Variants in EPHA3 observed in about 807,000 individuals in gnomAD.
EPHA3 encodes the protein EPH receptor A3, also known as ephrin type-A receptor 3.
In EPHA3, 42 loss-of-function variants were observed where a neutral mutation model predicts 107.1. That is an observed-to-expected ratio of 0.39 (90% CI 0.31 to 0.51). EPHA3 has a LOEUF of 0.51. EPHA3 is among the 20% of genes least tolerant of loss of function. The pLI is 0.78. For synonymous variants in EPHA3, 461 were observed against 424.8 expected (o/e 1.09, Z -1.05); for missense variants, 1,183 against 1,211.2 (o/e 0.98, Z 0.35).
intron 6 of EPHA3, 90 bp downstream of exon 6, chr3:89,396,051 C>G: frequency 6.5e-7 from 1 of 1,534,408 alleles, no homozygotes; most frequent in Non-Finnish European, 8.9e-7. Flanking sequence ...AGTGACATTC[C>G]TGGTAAATGG....
In EPHA3 at chr3:89,161,599, C is replaced by A. The variant is rs1704943707; in HGVS notation, c.153+34326C>A. ...ATTAGTTTTTTTACTGACGGGCAGT[C>A]ATTCATTTTATATATACATATAAAA... is the stretch of plus-strand genomic sequence containing the variant. On this transcript the variant is annotated intron_variant, in intron 2 of 16. Coordinates refer to ENST00000336596, the MANE Select transcript of EPHA3 (RefSeq NM_005233.6). Among the ~76,000 whole-genome samples the A allele has an allele frequency of 2.0e-5, 3 of 152,140 alleles. No individual in the cohort carries two copies. In the East Asian group the frequency reaches 5.8e-4, roughly 29 times the overall value.
intron 7 of EPHA3, chr3:89,400,308 A>G (rs1161908258): frequency 4.3e-5 from 7 of 161,726 alleles, no homozygotes; most frequent in Non-Finnish European, 9.0e-5. Flanking sequence ...GCTTCACGCC[A>G]TTCTCCCCCT....
chr3:89,474,566 G>A (rs988701835), intron 16 of EPHA3, among the ~76,000 whole-genome samples: 1 of 152,112 alleles, frequency 6.6e-6, no homozygotes, highest in Non-Finnish European at 1.5e-5. Flanking sequence ...ATTTTCAAAG[G>A]CAAAGTTATG....
At position 89,175,772 on chromosome 3, in the gene EPHA3, G is replaced by A. The variant is rs1205758281; in HGVS notation, c.154-34088G>A. Among the ~76,000 whole-genome samples the A allele has an allele frequency of 2.0e-5, 3 of 152,180 alleles. No individual in the cohort carries two copies. In the East Asian group the frequency reaches 5.8e-4, roughly 29 times the overall value. The stretch of plus-strand genomic sequence containing the variant: ...ATTTTCCTTTTGGTTTCTGAACCAT[G>A]CCTGCGATTCTATTCTGGTTCTCTT... On this transcript the variant is annotated intron_variant, in intron 2 of 16. Coordinates refer to ENST00000336596, the MANE Select transcript of EPHA3 (RefSeq NM_005233.6).
intron 13 of EPHA3, among the ~76,000 whole-genome samples, chr3:89,437,846 A>G (rs1448419272): frequency 6.6e-6 from 1 of 152,196 alleles, no homozygotes; most frequent in Non-Finnish European, 1.5e-5. Context: ...TTTTGGGAGC[A>G]TAATTACCAC....
intron 5 of EPHA3, among the ~76,000 whole-genome samples, chr3:89,377,977 G>T (rs1023575431): frequency 6.6e-5 from 10 of 151,882 alleles, no homozygotes; most frequent in African/African-American, 2.4e-4. Flanking sequence ...TTTACTCCAG[G>T]TTATTCTTTT....
At chr3:89,222,165 C>T (rs1357085637) in intron 3 of EPHA3, among the ~76,000 whole-genome samples, 5 of 151,872 alleles carry the variant, frequency 3.3e-5, no homozygotes, top group Non-Finnish European at 5.9e-5. Flanking sequence ...AGAACCAGGG[C>T]TCAGAAAGAC....
intron 2 of EPHA3, among the ~76,000 whole-genome samples, chr3:89,181,194 G>A (rs1210410812): frequency 6.6e-6 from 1 of 151,886 alleles, no homozygotes; most frequent in Non-Finnish European, 1.5e-5. Flanking sequence ...GCATTTCAGT[G>A]AATTTATTGG....
intron 2 of EPHA3, among the ~76,000 whole-genome samples, chr3:89,179,563 T>G (rs1236423079): frequency 2.0e-5 from 3 of 151,776 alleles, no homozygotes; most frequent in Non-Finnish European, 4.4e-5. Flanking sequence ...TTGAGGTCAC[T>G]GTTGGGGCAG....
chr3:89,472,727 G>A, intron 16 of EPHA3, 108 bp downstream of exon 16: 1 of 1,281,304 alleles, frequency 7.8e-7, no homozygotes, highest in Non-Finnish European at 1.1e-6. Flanking sequence ...AATATTAGTG[G>A]TAGATCTGAG....
chr3:89,313,953 TA>T (rs965213113), intron 3 of EPHA3, among the ~76,000 whole-genome samples: 8 of 151,946 alleles, frequency 5.3e-5, no homozygotes, highest in Non-Finnish European at 1.2e-4. Flanking sequence ...TTGATTTTTT[TA>T]GTGGGAATAA....
rs1707619181 is a variant in EPHA3 at position 89,345,340 on chromosome 3, C to T, written c.1306+3250C>T. On this transcript the variant is annotated intron_variant, in intron 5 of 16. Transcript: ENST00000336596. ...AAAGTTCTGAGTAAATTGACATTTCCTCCCTTTACCAGTTTACCCTATTGG... is the reference window on the plus strand; with the variant it reads ...AAAGTTCTGAGTAAATTGACATTTCTTCCCTTTACCAGTTTACCCTATTGG... 3.3e-5 allele frequency among the ~76,000 whole-genome samples: 5 copies of T among 151,166 alleles called. 1 individual carries two copies. Among genetic ancestry groups the T allele is most frequent in the Admixed American group, 1.3e-4 (2 of 15,108 alleles).
chr3:89,258,147 G>C (rs1705329298), intron 3 of EPHA3, among the ~76,000 whole-genome samples: 1 of 152,110 alleles, frequency 6.6e-6, no homozygotes, highest in Admixed American at 6.6e-5. Context: ...AATTTGATCA[G>C]GAGGAAATAA....
chr3:89,263,733 G>A (rs1442464308), intron 3 of EPHA3, among the ~76,000 whole-genome samples: 1 of 152,006 alleles, frequency 6.6e-6, no homozygotes, highest in East Asian at 1.9e-4. Context: ...GAGTGGGGTG[G>A]GCCATGGGTA....
intron 6 of EPHA3, 22 bp from the exon 7 acceptor site, chr3:89,399,296 A>ATT: frequency 6.4e-7 from 1 of 1,570,276 alleles, no homozygotes; most frequent in South Asian, 1.1e-5. Context: ...TTTAACATGA[A>ATT]TTTTTTTTTC....
At chr3:89,253,564 A>T (rs1200989133) in intron 3 of EPHA3, among the ~76,000 whole-genome samples, 1 of 152,184 alleles carries the variant, frequency 6.6e-6, no homozygotes, top group African/African-American at 2.4e-5. Flanking sequence ...AGAAATATCC[A>T]CAGGTGGAGG....
At chr3:89,118,121 T>A (rs1158569823) in intron 1 of EPHA3, among the ~76,000 whole-genome samples, 2 of 152,040 alleles carry the variant, frequency 1.3e-5, no homozygotes, top group African/African-American at 4.8e-5. Context: ...GATAATTTAA[T>A]ACTCATTTAC....
chr3:89,397,660 C>T (rs1442980585), intron 6 of EPHA3, among the ~76,000 whole-genome samples: 4 of 151,250 alleles, frequency 2.6e-5, no homozygotes, highest in African/African-American at 4.9e-5. Context: ...CTCGGCTCAC[C>T]GCCACCTCCG....
intron 2 of EPHA3, among the ~76,000 whole-genome samples, chr3:89,202,100 C>T (rs182958411): frequency 2.6e-5 from 4 of 152,236 alleles, no homozygotes; most frequent in Admixed American, 2.0e-4. Flanking sequence ...GATAATCTTT[C>T]CTTTCTCAAT....
Sources: allele counts gnomAD v4.1 joint callset (sites outside exome capture counted in the v4.1 genomes callset), GRCh38; gene constraint gnomAD v4.1.1; transcripts MANE v1.5; gene names NCBI Gene and HGNC (gene_info 2026-07-23, HGNC 2026-07-21).